Variants in FMN1 observed in about 807,000 individuals in gnomAD.
FMN1 encodes formin-1.
A neutral mutation model predicts 132.4 loss-of-function variants in FMN1; 110 were observed. The observed-to-expected ratio is 0.83, with a 90% CI of 0.71 to 0.97. FMN1 has a LOEUF of 0.97. Among genes scored for constraint, FMN1 ranks in the 50% least tolerant of loss-of-function variants. The pLI is 0.00. For missense variants in FMN1, 1,792 were observed against 1,705.3 expected, an observed-to-expected ratio of 1.05 and a Z score of -0.90; for synonymous variants, 722 against 651.7, an observed-to-expected ratio of 1.11 and a Z score of -1.64.
At chr15:33,135,503 C>T (rs1371342656) in intron 4 of FMN1, among the ~76,000 whole-genome samples, 3 of 152,198 alleles carry the variant, frequency 2.0e-5, no homozygotes, top group Admixed American at 6.5e-5. Context: ...CACTGCTTCT[C>T]GCTGGCATCA....
At chr15:32,851,206 C>T (rs542170412) in intron 17 of FMN1, among the ~76,000 whole-genome samples, 7 of 152,094 alleles carry the variant, frequency 4.6e-5, no homozygotes, top group Admixed American at 1.3e-4. Flanking sequence ...GGATGCCAAG[C>T]GAAATTAACG....
intron 7 of FMN1, among the ~76,000 whole-genome samples, chr15:32,978,113 C>T (rs1326611494): frequency 6.6e-6 from 1 of 152,100 alleles, no homozygotes; most frequent in African/African-American, 2.4e-5. Flanking sequence ...CTCAGCCTCC[C>T]AAAGTGCTGG....
intron 6 of FMN1, among the ~76,000 whole-genome samples, chr15:33,044,632 TGA>T (rs2036593174): frequency 6.6e-6 from 1 of 151,900 alleles, no homozygotes; most frequent in Non-Finnish European, 1.5e-5. Context: ...TGAAAAGGGA[TGA>T]GAGGATGACC....
intron 17 of FMN1, among the ~76,000 whole-genome samples, chr15:32,839,941 C>T (rs529464194): frequency 2.6e-5 from 4 of 152,266 alleles, no homozygotes; most frequent in South Asian, 2.1e-4. Context: ...AGATCTACAC[C>T]GCTAAGTCAA....
chr15:32,918,426 A>G (rs1363129474), intron 10 of FMN1, among the ~76,000 whole-genome samples: 1 of 152,190 alleles, frequency 6.6e-6, no homozygotes, highest in Non-Finnish European at 1.5e-5. Context: ...TAAAACACAC[A>G]GTGAACAGGA....
intron 4 of FMN1, among the ~76,000 whole-genome samples, chr15:33,109,071 A>C (rs1219159789): frequency 6.6e-6 from 1 of 152,110 alleles, no homozygotes; most frequent in Non-Finnish European, 1.5e-5. Context: ...ACCATTTATA[A>C]CCTATTTCTT....
At chr15:33,124,411 T>C (rs1211541868) in intron 4 of FMN1, among the ~76,000 whole-genome samples, 1 of 152,160 alleles carries the variant, frequency 6.6e-6, no homozygotes, top group Admixed American at 6.5e-5. Context: ...TGCCATTTTG[T>C]GCCTTTATCA....
chr15:33,015,748 C>CA, intron 6 of FMN1, among the ~76,000 whole-genome samples: 1 of 152,250 alleles, frequency 6.6e-6, no homozygotes, highest in South Asian at 2.1e-4. Flanking sequence ...GGACGATACT[C>CA]AATCAGTGCT....
chr15:32,915,951 G>T (rs939948285), intron 10 of FMN1, among the ~76,000 whole-genome samples: 1 of 152,330 alleles, frequency 6.6e-6, no homozygotes, highest in Non-Finnish European at 1.5e-5. Context: ...TCTGTTACTT[G>T]GTCAAGTCTG....
At chr15:33,097,026 G>C (rs1341226154) in intron 4 of FMN1, among the ~76,000 whole-genome samples, 1 of 152,116 alleles carries the variant, frequency 6.6e-6, no homozygotes, top group African/African-American at 2.4e-5. Flanking sequence ...GGGCACAGCG[G>C]CTCATGCCTG....
intron 19 of FMN1, among the ~76,000 whole-genome samples, chr15:32,793,104 C>T (rs2057149449): frequency 6.6e-6 from 1 of 152,076 alleles, no homozygotes; most frequent in Admixed American, 6.5e-5. Flanking sequence ...CGGAATGATG[C>T]TTTCAGAGAG....
chr15:32,941,281 A>C (rs1237405418), intron 9 of FMN1, among the ~76,000 whole-genome samples: 2 of 152,174 alleles, frequency 1.3e-5, no homozygotes, highest in African/African-American at 4.8e-5. Flanking sequence ...AAGTATTTGT[A>C]AGATTTTGCT....
chr15:33,145,977 A>AT (rs113506987), intron 4 of FMN1, among the ~76,000 whole-genome samples: 2,470 of 143,030 alleles, frequency 0.017, 57 homozygotes, highest in African/African-American at 0.051. Flanking sequence ...ATTACCATGA[A>AT]TTTTTTTTTT....
In FMN1 at chr15:32,964,270, A is replaced by C. The variant is rs775150829; in HGVS notation, c.2988-13T>G. 6.4e-7 allele frequency: 1 copy of C among 1,551,790 alleles called. No homozygotes were observed. Among genetic ancestry groups the C allele is most frequent in the Non-Finnish European group, 8.7e-7 (1 of 1,145,054 alleles). ...TGTAGCATTTTGGCTTAAAAGAGAA[A>C]ATGACAAGTTAACCATAAGAACCAA... On this transcript the variant is annotated splice_polypyrimidine_tract_variant and intron_variant, in intron 8 of 20. Coordinates refer to ENST00000616417, the MANE Select transcript of FMN1 (RefSeq NM_001277313.2).
At chr15:33,093,827 C>A (rs1361399807) in intron 4 of FMN1, among the ~76,000 whole-genome samples, 1 of 152,184 alleles carries the variant, frequency 6.6e-6, no homozygotes. Context: ...CATCCATAGC[C>A]ATCAGGCAAC....
chr15:32,846,872 T>C (rs1477446336), intron 17 of FMN1, among the ~76,000 whole-genome samples: 1 of 152,224 alleles, frequency 6.6e-6, no homozygotes, highest in East Asian at 1.9e-4. Flanking sequence ...TGGAATACTA[T>C]GCAACCATAA....
chr15:33,034,391 A>G (rs1326099105), intron 6 of FMN1, among the ~76,000 whole-genome samples: 1 of 152,094 alleles, frequency 6.6e-6, no homozygotes, highest in Non-Finnish European at 1.5e-5. Flanking sequence ...CCTGGGCAAC[A>G]TAGAAGACCT....
rs145286202 is a variant in FMN1 at position 33,029,328 on chromosome 15, A to G, written c.2162-21253T>C. Among the ~76,000 whole-genome samples the G allele has an allele frequency of 2.3e-3, 355 of 152,242 alleles. No homozygotes were observed. The Middle Eastern group carries it at 0.027, about 12-fold the overall frequency. ...TCCTGACCTTTCTAATATATTTTCTACCATACTCTGAAGCCTCTTTATGGC... is the reference window on the plus strand; with the variant it reads ...TCCTGACCTTTCTAATATATTTTCTGCCATACTCTGAAGCCTCTTTATGGC... On this transcript the variant is annotated intron_variant, in intron 6 of 20. Transcript: ENST00000616417.
intron 7 of FMN1, among the ~76,000 whole-genome samples, chr15:32,984,978 C>CAAAAAAAAAAAAAAAAAAAAAAAA (rs11330959): frequency 1.3e-3 from 127 of 97,234 alleles, no homozygotes; most frequent in Middle Eastern, 6.3e-3. Context: ...CATCCATCAC[C>CAAAAAAAAAAAAAAAAAAAAAAAA]AAAAAAAAAA....
Sources: gnomAD v4.1 joint callset for allele counts (sites outside exome capture counted in the v4.1 genomes callset) on GRCh38, gnomAD v4.1.1 for gene constraint, MANE v1.5 for transcripts, NCBI Gene and HGNC (gene_info 2026-07-23, HGNC 2026-07-21) for gene names.